The following MED15 variants were observed in gnomAD, a reference collection of about 807,000 sequenced individuals.
The protein encoded by MED15 is mediator complex subunit 15.
In MED15, 41 loss-of-function variants were observed where a neutral mutation model predicts 118.7. The observed-to-expected ratio is 0.35, with a 90% CI of 0.27 to 0.45. MED15 has a LOEUF of 0.45. Ranked by LOEUF, MED15 falls within the 20% of genes least tolerant of loss-of-function variation. The probability of loss-of-function intolerance (pLI) is 1.00; values close to 1 mark genes in which losing one functional copy is unlikely to be tolerated. For synonymous variants in MED15, 436 were observed against 413.9 expected (o/e 1.05, Z -0.65); for missense variants, 740 against 1,025.5 (o/e 0.72, Z 3.80).
chr22:20,512,051 C>T (rs1272050392), intron 1 of MED15, among the ~76,000 whole-genome samples: 5 of 137,916 alleles, frequency 3.6e-5, no homozygotes, highest in African/African-American at 1.1e-4. Flanking sequence ...TGCAGTGGTA[C>T]GATGATAGCT....
At chr22:20,550,895 T>A (rs914736650) in intron 2 of MED15, 1 of 346,682 alleles carries the variant, frequency 2.9e-6, no homozygotes, top group African/African-American at 2.1e-5. Context: ...TGCCTGTGCG[T>A]AAATGGAGAT....
At chr22:20,579,992 C>A (rs2056932131) in intron 9 of MED15, among the ~76,000 whole-genome samples, 1 of 152,244 alleles carries the variant, frequency 6.6e-6, no homozygotes, top group East Asian at 1.9e-4. Context: ...GGGGCTGCTT[C>A]TCATCCCAGG....
At chr22:20,580,983 G>T (rs951248239) in intron 9 of MED15, among the ~76,000 whole-genome samples, 1 of 152,234 alleles carries the variant, frequency 6.6e-6, no homozygotes, top group African/African-American at 2.4e-5. Context: ...CTCCCAGGCA[G>T]AGGTGTCTTG....
At chr22:20,543,145 G>GTGTGTGTA (rs2055379296) in intron 2 of MED15, among the ~76,000 whole-genome samples, 1 of 68,214 alleles carries the variant, frequency 1.5e-5, no homozygotes, top group Admixed American at 1.7e-4. Context: ...GTGTGTGTGT[G>GTGTGTGTA]TGTGTGTATT....
chr22:20,552,306 G>A (rs761469876), intron 3 of MED15, among the ~76,000 whole-genome samples: 2 of 152,192 alleles, frequency 1.3e-5, no homozygotes, highest in African/African-American at 2.4e-5. Flanking sequence ...TTAGGGACAG[G>A]CAGCTGTACC....
At chr22:20,552,102 A>G (rs1026038891) in intron 3 of MED15, among the ~76,000 whole-genome samples, 2 of 152,206 alleles carry the variant, frequency 1.3e-5, no homozygotes, top group African/African-American at 4.8e-5. Context: ...GTTACGTGGA[A>G]GTATGTGGAC....
At position 20,564,305 on chromosome 22, in the gene MED15, G is replaced by C. The variant is rs878989995; in HGVS notation, c.452-145G>C. On this transcript the variant is annotated intron_variant, in intron 5 of 17. Coordinates refer to ENST00000263205, the MANE Select transcript of MED15 (RefSeq NM_001003891.3). ...ATGCTACTTCGTATTCTATCTTTCT[G>C]TCTGTGGTAAATGGAACGTTCAGAT... The C allele has an allele frequency of 1.3e-5, 18 of 1,399,614 alleles. No individual in the cohort carries two copies. In the South Asian group the frequency reaches 1.9e-4, roughly 15 times the overall value. The allele number at this position is 1,399,614 out of a possible 1,614,324, so 86.7% of individuals were successfully genotyped here. A position where few individuals can be genotyped will look rare whatever the true frequency, so the allele number is the denominator to read the frequency against.
At chr22:20,543,993 C>T (rs754421260) in intron 2 of MED15, among the ~76,000 whole-genome samples, 1 of 152,232 alleles carries the variant, frequency 6.6e-6, no homozygotes, top group South Asian at 2.1e-4. Flanking sequence ...CAAAGATCAC[C>T]TTTGCTCTAG....
chr22:20,555,522 C>T (rs1216084147), intron 5 of MED15, among the ~76,000 whole-genome samples: 1 of 152,234 alleles, frequency 6.6e-6, no homozygotes, highest in African/African-American at 2.4e-5. Context: ...GAGCTCTGGG[C>T]ACCATCTCTT....
chr22:20,587,072 C>A lies in MED15; in HGVS notation c.*368C>A. 7.0e-6 allele frequency: 2 copies of A among 285,932 alleles called. No individual in the cohort carries two copies. The highest frequency in any genetic ancestry group is 1.3e-4 in the East Asian group (2 of 15,600). The allele number at this position is 285,932 out of a possible 1,614,324, so 17.7% of individuals were successfully genotyped here. A position where few individuals can be genotyped will look rare whatever the true frequency, so the allele number is the denominator to read the frequency against. On this transcript the variant is annotated 3_prime_UTR_variant, in exon 18 of 18. Transcript: ENST00000263205. ...TAGAGCGTCTCGTGTGTGCTAGACG[C>A]ACCCCTACTCGTTCCTATAGAACAC...
intron 5 of MED15, among the ~76,000 whole-genome samples, chr22:20,561,064 A>G (rs896849111): frequency 1.3e-5 from 2 of 152,230 alleles, no homozygotes; most frequent in Non-Finnish European, 2.9e-5. Flanking sequence ...TTTAAGTTAA[A>G]TATGCATGAT....
chr22:20,583,485 G>A (rs974284557), intron 13 of MED15, 92 bp downstream of exon 13: 4 of 1,481,616 alleles, frequency 2.7e-6, no homozygotes, highest in Non-Finnish European at 3.7e-6. Flanking sequence ...GTTTAACAAA[G>A]GCACCAGGCA....
intron 11 of MED15, 62 bp from the exon 12 acceptor site, chr22:20,583,051 C>T (rs1321171306): frequency 1.3e-5 from 21 of 1,562,952 alleles, no homozygotes; most frequent in Non-Finnish European, 1.8e-5. Context: ...CTGGGGCCCT[C>T]AGAGCTCAAG....
chr22:20,517,228 C>A (rs572494999), intron 1 of MED15, among the ~76,000 whole-genome samples: 1 of 152,092 alleles, frequency 6.6e-6, no homozygotes. Flanking sequence ...TGAGCCACTA[C>A]GCCTGGCCAT....
chr22:20,569,511 G>A (rs2056565934), intron 8 of MED15, among the ~76,000 whole-genome samples: 1 of 152,182 alleles, frequency 6.6e-6, no homozygotes, highest in South Asian at 2.1e-4. Context: ...GTTTTCTGCA[G>A]GCCTGCTGGG....
intron 5 of MED15, among the ~76,000 whole-genome samples, chr22:20,559,859 T>G (rs1232277114): frequency 6.6e-6 from 1 of 152,254 alleles, no homozygotes; most frequent in African/African-American, 2.4e-5. Context: ...AGATATATTC[T>G]TTTGTTTATC....
At chr22:20,581,348 A>G (rs1363813340) in intron 9 of MED15, among the ~76,000 whole-genome samples, 1 of 152,062 alleles carries the variant, frequency 6.6e-6, no homozygotes, top group African/African-American at 2.4e-5. Flanking sequence ...CCTGGTCCCC[A>G]ATTTAAGGAG....
chr22:20,577,119 G>T (rs2056845804), intron 9 of MED15, among the ~76,000 whole-genome samples: 1 of 152,144 alleles, frequency 6.6e-6, no homozygotes, highest in African/African-American at 2.4e-5. Context: ...GACTAAGAGT[G>T]CCCCCAGGGA....
chr22:20,574,840 A>C (rs2056775438), intron 8 of MED15: 1 of 450,322 alleles, frequency 2.2e-6, no homozygotes. Flanking sequence ...AAGTGTGTTG[A>C]GGACACCAGT....
Sources: allele counts gnomAD v4.1 joint callset (sites outside exome capture counted in the v4.1 genomes callset), GRCh38; gene constraint gnomAD v4.1.1; transcripts MANE v1.5; gene names NCBI Gene and HGNC (gene_info 2026-07-23, HGNC 2026-07-21).